Variants in GPHN observed in about 807,000 individuals in gnomAD.
GPHN encodes the protein gephyrin.
A neutral mutation model predicts 95.5 loss-of-function variants in GPHN; 17 were observed. That is an observed-to-expected ratio of 0.18 (90% CI 0.12 to 0.27). The LOEUF is 0.27. Ranked by LOEUF, GPHN falls within the 10% of genes least tolerant of loss-of-function variation. GPHN has a pLI of 1.00. For missense variants in GPHN, 660 were observed against 978.1 expected, an observed-to-expected ratio of 0.67 and a Z score of 4.34; for synonymous variants, 320 against 322.5, an observed-to-expected ratio of 0.99 and a Z score of 0.08.
chr14:66,709,489 A>C (rs2069410614), intron 2 of GPHN: 1 of 442,750 alleles, frequency 2.3e-6, no homozygotes, highest in African/African-American at 2.0e-5. Flanking sequence ...TAGCCTATAC[A>C]ATGTGAATTC....
the GPHN span, chr14:67,725,319 G>T: frequency 6.6e-7 from 1 of 1,515,016 alleles, no homozygotes; most frequent in Non-Finnish European, 9.1e-7. Flanking sequence ...CTCCACCCTA[G>T]ACCATCTATG....
the GPHN span, among the ~76,000 whole-genome samples, chr14:67,660,800 A>G: frequency 6.6e-6 from 1 of 152,234 alleles, no homozygotes; most frequent in African/African-American, 2.4e-5. Flanking sequence ...TGGAGAAAAC[A>G]AGTATCTGAG....
chr14:66,668,123 T>C (rs2066076190), intron 1 of GPHN, among the ~76,000 whole-genome samples: 1 of 152,112 alleles, frequency 6.6e-6, no homozygotes, highest in South Asian at 2.1e-4. Flanking sequence ...ATTAAAGAGC[T>C]GAAAAATAAC....
chr14:66,592,390 T>C (rs71488993), intron 1 of GPHN, among the ~76,000 whole-genome samples: 2 of 151,840 alleles, frequency 1.3e-5, no homozygotes, highest in African/African-American at 4.8e-5. Flanking sequence ...GAGAAAATTT[T>C]TGCAATCCAT....
chr14:66,669,295 C>T (rs866430663), intron 1 of GPHN, among the ~76,000 whole-genome samples: 11 of 148,360 alleles, frequency 7.4e-5, no homozygotes, highest in African/African-American at 2.7e-4. Context: ...ACCCAGGAGG[C>T]GGAGGTTGTG....
At chr14:67,086,272 A>G (rs910841296) in intron 11 of GPHN, among the ~76,000 whole-genome samples, 3 of 152,186 alleles carry the variant, frequency 2.0e-5, no homozygotes, top group Non-Finnish European at 4.4e-5. Flanking sequence ...TTAACTTGCA[A>G]CTTTTTAAAT....
At chr14:66,926,363 T>G (rs118138824) in intron 8 of GPHN, among the ~76,000 whole-genome samples, 2,646 of 152,350 alleles carry the variant, frequency 0.017, 36 homozygotes, top group Middle Eastern at 0.054. Context: ...TTTAGTGGTT[T>G]CATAGTTTCA....
At chr14:67,378,332 T>TG in the GPHN span, among the ~76,000 whole-genome samples, 1 of 150,712 alleles carries the variant, frequency 6.6e-6, no homozygotes, top group African/African-American at 2.4e-5. Context: ...TTTTTTTTTT[T>TG]TTTTTGGTAT....
chr14:66,806,071 C>A (rs966688503), intron 3 of GPHN, among the ~76,000 whole-genome samples: 1 of 152,220 alleles, frequency 6.6e-6, no homozygotes, highest in African/African-American at 2.4e-5. Context: ...TGTCTGAAAT[C>A]TAGATGGCGG....
At chr14:66,886,368 G>T (rs1212197737) in intron 5 of GPHN, among the ~76,000 whole-genome samples, 1 of 152,060 alleles carries the variant, frequency 6.6e-6, no homozygotes, top group Non-Finnish European at 1.5e-5. Flanking sequence ...ATTCAGTCCA[G>T]ACTAGAAAAT....
intron 17 of GPHN, among the ~76,000 whole-genome samples, chr14:67,128,412 G>A (rs768951369): frequency 7.9e-5 from 12 of 151,946 alleles, no homozygotes; most frequent in Admixed American, 2.0e-4. Flanking sequence ...ACCCACCACC[G>A]TGCCCGGCTG....
the GPHN span, among the ~76,000 whole-genome samples, chr14:67,300,336 C>CTTTTTTTTTTTTTTTTTTTTTT: frequency 1.1e-4 from 15 of 139,084 alleles, no homozygotes; most frequent in Middle Eastern, 3.7e-3. Context: ...TATGAATTAC[C>CTTTTTTTTTTTTTTTTTTTTTT]TTTTTTTTTT....
the GPHN span, among the ~76,000 whole-genome samples, chr14:67,566,619 A>G: frequency 2.0e-5 from 3 of 152,112 alleles, no homozygotes; most frequent in South Asian, 4.1e-4. Context: ...ATGGTGGCAC[A>G]TGCCGGTAGT....
At chr14:67,199,869 T>A in the GPHN span, 42 of 1,493,370 alleles carry the variant, frequency 2.8e-5, no homozygotes, top group Middle Eastern at 2.1e-4. Flanking sequence ...CTCCTGGGGC[T>A]GCAGGACATG....
intron 11 of GPHN, among the ~76,000 whole-genome samples, chr14:67,079,810 G>T (rs1220660329): frequency 1.3e-5 from 2 of 151,772 alleles, no homozygotes; most frequent in African/African-American, 4.8e-5. Flanking sequence ...CTATTAATTT[G>T]ACTACTTTAA....
the GPHN span, chr14:67,652,645 CA>C: frequency 1.3e-5 from 2 of 152,236 alleles, no homozygotes; most frequent in Admixed American, 6.5e-5. Context: ...AGAACCCTGA[CA>C]ACTCCACAAG....
At chr14:67,227,045 A>G in the GPHN span, among the ~76,000 whole-genome samples, 1 of 152,250 alleles carries the variant, frequency 6.6e-6, no homozygotes, top group Non-Finnish European at 1.5e-5. Flanking sequence ...GGATATATTC[A>G]GCAACAAAAT....
the GPHN span, chr14:67,555,729 T>TGTGCA: frequency 6.5e-7 from 1 of 1,540,152 alleles, no homozygotes; most frequent in South Asian, 1.2e-5. Flanking sequence ...GTCTGGCCTG[T>TGTGCA]GTGCAGTGTG....
At chr14:66,863,101 T>C (rs534072393) in intron 4 of GPHN, among the ~76,000 whole-genome samples, 1 of 151,934 alleles carries the variant, frequency 6.6e-6, no homozygotes, top group African/African-American at 2.4e-5. Flanking sequence ...CAAACAACTA[T>C]TAGAACTGAG....
Sources: gnomAD v4.1 joint callset for allele counts (sites outside exome capture counted in the v4.1 genomes callset) on GRCh38, gnomAD v4.1.1 for gene constraint, MANE v1.5 for transcripts, NCBI Gene and HGNC (gene_info 2026-07-23, HGNC 2026-07-21) for gene names.